MYO5A: variants seen among roughly 807,000 people sequenced by gnomAD.
MYO5A encodes myosin VA.
In MYO5A, 98 loss-of-function variants were observed where a neutral mutation model predicts 249.7. The ratio of observed to expected loss-of-function variants is 0.39; its 90% CI spans 0.33 to 0.46. The LOEUF (loss-of-function observed/expected upper bound fraction) is 0.46. Ranked by LOEUF, MYO5A falls within the 20% of genes least tolerant of loss-of-function variation. The pLI, the probability that MYO5A is intolerant of heterozygous loss-of-function variation, is 0.98. For synonymous variants in MYO5A, 778 were observed against 810.6 expected, an observed-to-expected ratio of 0.96 and a Z score of 0.68; for missense variants, 1,696 against 2,308.8, an observed-to-expected ratio of 0.73 and a Z score of 5.44.
At chr15:52,346,173 A>G (rs999190779) in intron 30 of MYO5A, among the ~76,000 whole-genome samples, 188 bp downstream of exon 30, 3 of 152,224 alleles carry the variant, frequency 2.0e-5, no homozygotes, top group African/African-American at 7.2e-5. Context: ...CCTTTTGTCA[A>G]TACTATTACC....
At chr15:52,321,632 A>C in intron 37 of MYO5A, 123 bp from the exon 38 acceptor site, 1 of 1,033,634 alleles carries the variant, frequency 9.7e-7, no homozygotes, top group Non-Finnish European at 1.5e-6. Context: ...TTCCCCACTA[A>C]TGCCAGGACT....
intron 33 of MYO5A, among the ~76,000 whole-genome samples, chr15:52,337,251 TAAG>T (rs2039161471): frequency 6.6e-6 from 1 of 152,010 alleles, no homozygotes; most frequent in Non-Finnish European, 1.5e-5. Flanking sequence ...GCAGTACACT[TAAG>T]GAGGAAGGTA....
intron 36 of MYO5A, among the ~76,000 whole-genome samples, chr15:52,327,425 T>C (rs2038661197): frequency 1.3e-5 from 2 of 152,052 alleles, no homozygotes; most frequent in Admixed American, 1.3e-4. Flanking sequence ...CAAGACTGAG[T>C]GGCTGGGTGC....
intron 1 of MYO5A, among the ~76,000 whole-genome samples, chr15:52,527,351 A>G (rs369308412): frequency 3.3e-5 from 5 of 152,248 alleles, no homozygotes; most frequent in African/African-American, 7.2e-5. Flanking sequence ...ACTTTTAATC[A>G]GTTTCCAATT....
intron 16 of MYO5A, among the ~76,000 whole-genome samples, chr15:52,382,791 G>A (rs1205921291): frequency 6.6e-6 from 1 of 152,082 alleles, no homozygotes; most frequent in African/African-American, 2.4e-5. Context: ...ATGCCCAAAT[G>A]AACAAAAATC....
chr15:52,357,047 T>G lies in MYO5A; in HGVS notation c.3423+2921A>C, dbSNP rs563477133. On this transcript the variant is annotated intron_variant, in intron 25 of 41. Coordinates refer to ENST00000399233, the MANE Select transcript of MYO5A (RefSeq NM_001382347.1). ...TAGAAAAAGTTTTAGGTATATAATC[T>G]TTATAATAAAGTCTGTCCTGACTTA... Among the ~76,000 whole-genome samples, 160 of 152,170 alleles carry G rather than the reference T, an allele frequency of 1.1e-3. 1 individual carries two copies. The highest frequency in any genetic ancestry group is 1.9e-3 in the Non-Finnish European group (126 of 67,976).
intron 21 of MYO5A, among the ~76,000 whole-genome samples, chr15:52,371,795 A>C (rs1039899451): frequency 2.6e-5 from 4 of 151,890 alleles, no homozygotes; most frequent in African/African-American, 9.7e-5. Context: ...ACTTGAGCCC[A>C]GCAGGTTGAG....
intron 1 of MYO5A, among the ~76,000 whole-genome samples, chr15:52,462,698 A>T (rs564061576): frequency 1.7e-3 from 252 of 152,012 alleles, no homozygotes; most frequent in African/African-American, 5.9e-3. Context: ...AAATACAAAA[A>T]TTGGCCGGGC....
At chr15:52,476,450 T>G (rs537894528) in intron 1 of MYO5A, among the ~76,000 whole-genome samples, 4 of 152,314 alleles carry the variant, frequency 2.6e-5, no homozygotes, top group South Asian at 2.1e-4. Context: ...GTTAGCTGGT[T>G]ATTTTGCTCG....
At chr15:52,473,731 A>T (rs528098945) in intron 1 of MYO5A, among the ~76,000 whole-genome samples, 3 of 152,098 alleles carry the variant, frequency 2.0e-5, no homozygotes, top group Admixed American at 6.5e-5. Flanking sequence ...TGAGGGCTCT[A>T]TTCTGTTCCA....
chr15:52,336,397 G>A, intron 34 of MYO5A, 66 bp downstream of exon 34: 1 of 1,057,868 alleles, frequency 9.5e-7, no homozygotes, highest in Non-Finnish European at 1.4e-6. Context: ...CACTTATATA[G>A]CCTAGTCTTT....
At chr15:52,428,625 G>T in intron 2 of MYO5A, 56 bp from the exon 3 acceptor site, 1 of 1,582,082 alleles carries the variant, frequency 6.3e-7, no homozygotes, top group South Asian at 1.1e-5. Context: ...CTGTGAAAGA[G>T]GCCCATGCAT....
chr15:52,432,661 G>A (rs1260154206), intron 2 of MYO5A, among the ~76,000 whole-genome samples: 6 of 152,140 alleles, frequency 3.9e-5, no homozygotes, highest in South Asian at 4.1e-4. Flanking sequence ...CCAAAGTGCC[G>A]AACATTTTGC....
intron 1 of MYO5A, among the ~76,000 whole-genome samples, chr15:52,496,290 A>T (rs77944667): frequency 7.2e-5 from 11 of 152,110 alleles, no homozygotes; most frequent in Non-Finnish European, 1.6e-4. Context: ...TCATTTGTGT[A>T]TATCTGCCCC....
chr15:52,374,652 T>C (rs781663859), intron 20 of MYO5A, among the ~76,000 whole-genome samples: 3 of 152,242 alleles, frequency 2.0e-5, no homozygotes, highest in Non-Finnish European at 4.4e-5. Context: ...ACTGGACTGA[T>C]GTGGCTACAA....
chr15:52,377,413 T>C (rs1006644475), intron 18 of MYO5A, among the ~76,000 whole-genome samples: 10 of 149,912 alleles, frequency 6.7e-5, no homozygotes, highest in African/African-American at 2.0e-4. Flanking sequence ...AGAGCAAGAA[T>C]CCGTCTCAAA....
intron 1 of MYO5A, among the ~76,000 whole-genome samples, chr15:52,472,567 C>G (rs539256592): frequency 6.6e-6 from 1 of 152,178 alleles, no homozygotes; most frequent in African/African-American, 2.4e-5. Context: ...ACAACAGGCC[C>G]CGGTGTGATG....
At chr15:52,468,239 C>G (rs1480608091) in intron 1 of MYO5A, among the ~76,000 whole-genome samples, 1 of 152,080 alleles carries the variant, frequency 6.6e-6, no homozygotes, top group Non-Finnish European at 1.5e-5. Context: ...AAGGCAGAGG[C>G]TGCAGTGAGC....
intron 1 of MYO5A, among the ~76,000 whole-genome samples, chr15:52,524,389 G>A (rs111586078): frequency 9.9e-5 from 15 of 150,848 alleles, no homozygotes; most frequent in African/African-American, 3.4e-4. Context: ...TCCTGTCTCT[G>A]TAAAAAGTAC....
Sources: allele counts gnomAD v4.1 joint callset (sites outside exome capture counted in the v4.1 genomes callset), GRCh38; gene constraint gnomAD v4.1.1; transcripts MANE v1.5; gene names NCBI Gene and HGNC (gene_info 2026-07-23, HGNC 2026-07-21).